Variants in PTPRG observed in about 807,000 individuals in gnomAD.
PTPRG encodes the protein receptor-type tyrosine-protein phosphatase gamma.
Under a neutral mutation model 165.3 loss-of-function variants are expected in PTPRG, and 102 were observed. The observed-to-expected ratio is 0.62, with a 90% CI of 0.53 to 0.73. The LOEUF is 0.73. PTPRG is among the 30% of genes least tolerant of loss of function. The pLI is 0.00. For missense variants in PTPRG, 1,866 were observed against 1,861.4 expected, an observed-to-expected ratio of 1.00 and a Z score of -0.05; for synonymous variants, 675 against 669.5, an observed-to-expected ratio of 1.01 and a Z score of -0.13.
intron 2 of PTPRG, among the ~76,000 whole-genome samples, chr3:61,792,945 T>A (rs2034931826): frequency 6.6e-6 from 1 of 152,134 alleles, no homozygotes; most frequent in African/African-American, 2.4e-5. Flanking sequence ...GCCAGGATGA[T>A]CTTGATCTCC....
chr3:62,060,213 A>T lies in PTPRG; in HGVS notation c.520-17950A>T, dbSNP rs1437521845. On this transcript the variant is annotated intron_variant, in intron 4 of 29. Coordinates refer to ENST00000474889, the MANE Select transcript of PTPRG (RefSeq NM_002841.4). ...AGCAACAGAGTGAGACCCTGTCTCA[A>T]AAAAAAAAAAAAAAAAAAATCCTTC... Among the ~76,000 whole-genome samples the T allele has an allele frequency of 3.8e-4, 9 of 23,384 alleles. 1 individual carries two copies. In the South Asian group the frequency reaches 0.04, roughly 103 times the overall value. The allele number at this position is 23,384 out of a possible 152,430, so 15.3% of individuals were successfully genotyped here.
At chr3:61,838,651 C>G (rs545922784) in intron 2 of PTPRG, among the ~76,000 whole-genome samples, 1 of 152,132 alleles carries the variant, frequency 6.6e-6, no homozygotes, top group Non-Finnish European at 1.5e-5. Flanking sequence ...ACCAGAATGA[C>G]TTTTTAAAAA....
chr3:61,706,903 T>G lies in PTPRG; in HGVS notation c.86-41975T>G, dbSNP rs116221258. Among the ~76,000 whole-genome samples, 597 of 152,278 alleles carry G rather than the reference T, an allele frequency of 3.9e-3. 6 individuals carry two copies. The highest frequency in any genetic ancestry group is 0.014 in the African/African-American group (569 of 41,546). On this transcript the variant is annotated intron_variant, in intron 1 of 29. Coordinates refer to ENST00000474889, the MANE Select transcript of PTPRG (RefSeq NM_002841.4). The stretch of plus-strand genomic sequence containing the variant: ...TAACCTACCCCTCCTAGTTCCAGTT[T>G]CCTCTCAGAGATAACTGCTGTGAAT...
intron 2 of PTPRG, among the ~76,000 whole-genome samples, chr3:61,778,190 A>C (rs1250315213): frequency 6.6e-6 from 1 of 152,224 alleles, no homozygotes; most frequent in Non-Finnish European, 1.5e-5. Flanking sequence ...CGAAGGAATG[A>C]AAGCTGAGAT....
intron 6 of PTPRG, among the ~76,000 whole-genome samples, chr3:62,144,806 T>C (rs1294123654): frequency 6.6e-6 from 1 of 152,220 alleles, no homozygotes; most frequent in Non-Finnish European, 1.5e-5. Context: ...GTGCGACTTC[T>C]ATTTTATCAC....
At chr3:61,894,606 C>T (rs532748648) in intron 2 of PTPRG, among the ~76,000 whole-genome samples, 1 of 152,126 alleles carries the variant, frequency 6.6e-6, no homozygotes. Flanking sequence ...ATAATAGAGA[C>T]TTACTAAAGG....
chr3:61,575,661 C>T (rs1468607457), intron 1 of PTPRG, among the ~76,000 whole-genome samples: 2 of 147,518 alleles, frequency 1.4e-5, no homozygotes, highest in African/African-American at 2.5e-5. Context: ...TTCAGTGGCG[C>T]ACTTTCGGCT....
chr3:61,647,590 A>G (rs1702237206), intron 1 of PTPRG, among the ~76,000 whole-genome samples: 1 of 152,086 alleles, frequency 6.6e-6, no homozygotes, highest in African/African-American at 2.4e-5. Flanking sequence ...GGAGATCGAG[A>G]CCATCCTGGC....
intron 5 of PTPRG, among the ~76,000 whole-genome samples, chr3:62,110,678 C>A (rs1702637577): frequency 6.6e-6 from 1 of 152,170 alleles, no homozygotes; most frequent in African/African-American, 2.4e-5. Context: ...TATTTCTAGA[C>A]TAAGTGATGT....
At chr3:61,616,000 G>C (rs926344831) in intron 1 of PTPRG, among the ~76,000 whole-genome samples, 3 of 152,206 alleles carry the variant, frequency 2.0e-5, no homozygotes, top group Non-Finnish European at 2.9e-5. Flanking sequence ...TCCCAGGCTG[G>C]AGTGCAGTGG....
intron 25 of PTPRG, 89 bp from the exon 26 acceptor site, chr3:62,277,462 G>T: frequency 7.1e-7 from 1 of 1,414,914 alleles, no homozygotes; most frequent in Non-Finnish European, 9.7e-7. Flanking sequence ...TCAAAACAGT[G>T]CTATCTTATT....
chr3:61,921,117 CTCCT>C (rs72298352), intron 2 of PTPRG, among the ~76,000 whole-genome samples: 23,173 of 148,492 alleles, frequency 0.16, 1,888 homozygotes, highest in Middle Eastern at 0.23. Flanking sequence ...TTCCATCCAT[CTCCT>C]TCCTTCCTTC....
At chr3:61,938,204 C>T (rs1041099748) in intron 2 of PTPRG, among the ~76,000 whole-genome samples, 10 of 142,864 alleles carry the variant, frequency 7.0e-5, no homozygotes, top group Non-Finnish European at 1.1e-4. Flanking sequence ...TGTTTGTTTT[C>T]TGGGTAGCTT....
chr3:62,236,237 T>A (rs1701031133), intron 14 of PTPRG, among the ~76,000 whole-genome samples: 1 of 152,228 alleles, frequency 6.6e-6, no homozygotes, highest in African/African-American at 2.4e-5. Flanking sequence ...CACTCCTCTT[T>A]GAGGAAAAGC....
At chr3:62,122,550 C>T (rs1287485434) in intron 5 of PTPRG, among the ~76,000 whole-genome samples, 3 of 152,198 alleles carry the variant, frequency 2.0e-5, no homozygotes, top group East Asian at 1.9e-4. Context: ...CAGCAGCACC[C>T]ACGCCACTGC....
intron 4 of PTPRG, among the ~76,000 whole-genome samples, chr3:62,074,257 T>C (rs904786934): frequency 6.6e-6 from 1 of 151,450 alleles, no homozygotes; most frequent in Admixed American, 6.6e-5. Flanking sequence ...TAATTGGTGA[T>C]ACTGGGTAAA....
chr3:61,771,853 A>C (rs1257815870), intron 2 of PTPRG, among the ~76,000 whole-genome samples: 1 of 151,894 alleles, frequency 6.6e-6, no homozygotes, highest in East Asian at 1.9e-4. Flanking sequence ...TGAGGTCAGG[A>C]TTTCGAGACC....
rs765093266 is a variant in PTPRG at position 62,167,948 on chromosome 3, C to A, written c.841-23C>A. ...TTTGTGTTGTTTTTTTTTTCCCCCT[C>A]CCCTCTCTGGTCCTCTGTTCAGCTT... On this transcript the variant is annotated intron_variant, in intron 7 of 29. Coordinates refer to ENST00000474889, the MANE Select transcript of PTPRG (RefSeq NM_002841.4). 3 of 1,588,322 alleles carry A rather than the reference C, an allele frequency of 1.9e-6. No individual in the cohort carries two copies. The South Asian group carries it at 3.3e-5, about 18-fold the overall frequency.
rs569092687 is a variant in PTPRG, at chr3:62,167,036, C to T, written c.841-935C>T. Among the ~76,000 whole-genome samples the T allele has an allele frequency of 6.6e-5, 10 of 152,104 alleles. No individual in the cohort carries two copies. In the East Asian group the frequency reaches 1.7e-3, roughly 26 times the overall value. On this transcript the variant is annotated intron_variant, in intron 7 of 29. Transcript: ENST00000474889. ...TGATTTGGGCACCCTGATTTTTTTC[C>T]TTTACTTTCCATAAAAGTTAGATCG...
Sources: allele counts gnomAD v4.1 joint callset (sites outside exome capture counted in the v4.1 genomes callset), GRCh38; gene constraint gnomAD v4.1.1; transcripts MANE v1.5; gene names NCBI Gene and HGNC (gene_info 2026-07-23, HGNC 2026-07-21).